DCAF6: variants seen among roughly 807,000 people sequenced by gnomAD.
The protein encoded by DCAF6 is DDB1- and CUL4-associated factor 6.
Under a neutral mutation model 125.1 loss-of-function variants are expected in DCAF6, and 54 were observed. The observed-to-expected ratio is 0.43, with a 90% confidence interval of 0.35 to 0.54. The LOEUF (loss-of-function observed/expected upper bound fraction) is 0.54. DCAF6 is among the 20% of genes least tolerant of loss of function. The probability of loss-of-function intolerance (pLI) is 0.01; values close to 1 mark genes in which losing one functional copy is unlikely to be tolerated. For missense variants in DCAF6, 934 were observed against 1,161.7 expected, an observed-to-expected ratio of 0.80 and a Z score of 2.85; for synonymous variants, 371 against 390.4, an observed-to-expected ratio of 0.95 and a Z score of 0.58.
chr1:167,965,996 A>G (rs1018790034), intron 2 of DCAF6, among the ~76,000 whole-genome samples: 1 of 152,192 alleles, frequency 6.6e-6, no homozygotes, highest in African/African-American at 2.4e-5. Flanking sequence ...TTCATCAATT[A>G]TAGTTCAGGT....
chr1:167,878,385 C>T, the DCAF6 span: 1 of 1,562,342 alleles, frequency 6.4e-7, no homozygotes. Context: ...GACTGCTTTG[C>T]TATCATAATT....
At position 167,988,231 on chromosome 1, in the gene DCAF6, G is replaced by A. The variant is rs1321102514; in HGVS notation, c.552+623G>A. ...GCCGGAGTGCAGTGGTGCAATCCTAGCTCACTGCAGCCTCAATCTTCTGGG... is the reference window on the plus strand; with the variant it reads ...GCCGGAGTGCAGTGGTGCAATCCTAACTCACTGCAGCCTCAATCTTCTGGG... On this transcript the variant is annotated intron_variant, in intron 5 of 21. Coordinates refer to ENST00000367840, the MANE Select transcript of DCAF6 (RefSeq NM_001198956.2). Among the ~76,000 whole-genome samples, 4 of 152,070 alleles carry A rather than the reference G, an allele frequency of 2.6e-5. No homozygotes were observed. In the East Asian group the frequency reaches 7.7e-4, roughly 29 times the overall value.
chr1:167,982,065 TCTCA>T (rs962222180), intron 4 of DCAF6, among the ~76,000 whole-genome samples: 9 of 152,204 alleles, frequency 5.9e-5, no homozygotes, highest in Admixed American at 5.9e-4. Flanking sequence ...TAATAGCCAT[TCTCA>T]CTCATATGAG....
chr1:167,953,127 T>C (rs139102633), intron 2 of DCAF6, among the ~76,000 whole-genome samples: 73 of 152,346 alleles, frequency 4.8e-4, no homozygotes, highest in Middle Eastern at 3.4e-3. Flanking sequence ...ATTAATCTAA[T>C]ATATAGTCCA....
At chr1:167,897,350 A>T in the DCAF6 span, among the ~76,000 whole-genome samples, 1 of 148,522 alleles carries the variant, frequency 6.7e-6, no homozygotes, top group Admixed American at 6.7e-5. Context: ...AAAAAAAATT[A>T]GCCAGGTGTA....
rs1332260944 is a variant in DCAF6, at chr1:167,936,843, G to C, written c.-69G>C. 1.2e-5 allele frequency: 16 copies of C among 1,347,810 alleles called. No homozygotes were observed. In the South Asian group the frequency reaches 1.9e-4, roughly 16 times the overall value. The allele number at this position is 1,347,810 out of a possible 1,614,324, so 83.5% of individuals were successfully genotyped here. A position where few individuals can be genotyped will look rare whatever the true frequency, so the allele number is the denominator to read the frequency against. On this transcript the variant is annotated 5_prime_UTR_variant, in exon 1 of 22. Transcript: ENST00000367840. The stretch of plus-strand genomic sequence containing the variant: ...GCCGGTGCGGCTCGGGTGTTGAAAC[G>C]GGTGTCCCCTCCCCCTCCTCCCCTC...
chr1:167,923,083 GA>G, the DCAF6 span, among the ~76,000 whole-genome samples: 8 of 152,188 alleles, frequency 5.3e-5, no homozygotes, highest in Non-Finnish European at 8.8e-5. Context: ...AGGATGTGGA[GA>G]AATTAGAACA....
chr1:167,883,440 G>T, the DCAF6 span: 1 of 1,614,110 alleles, frequency 6.2e-7, no homozygotes, highest in Non-Finnish European at 8.5e-7. Flanking sequence ...CACTTACCTT[G>T]TCAAACATGA....
At position 168,004,436 on chromosome 1, in the gene DCAF6, G is replaced by T. The variant is rs1471128483; in HGVS notation, c.1118-97G>T. On this transcript the variant is annotated intron_variant, in intron 9 of 21. Transcript: ENST00000367840. ...TATCACTGAAATTATATATTTGTGTGTGTAAATATAAATGTGTTTTCTGAG... is the reference window on the plus strand; with the variant it reads ...TATCACTGAAATTATATATTTGTGTTTGTAAATATAAATGTGTTTTCTGAG... 3 of 1,252,032 alleles carry T rather than the reference G, an allele frequency of 2.4e-6. No homozygotes were observed. The African/African-American group carries it at 4.5e-5, about 19-fold the overall frequency. 77.6% of individuals were successfully genotyped at this position (1,252,032 alleles called of 1,614,324 possible).
At chr1:167,864,509 T>C in the DCAF6 span, among the ~76,000 whole-genome samples, 1 of 151,938 alleles carries the variant, frequency 6.6e-6, no homozygotes, top group Admixed American at 6.6e-5. Context: ...TTACAGCTGG[T>C]TTTAGACCCC....
intron 2 of DCAF6, among the ~76,000 whole-genome samples, chr1:167,965,611 G>A (rs1308972022): frequency 2.0e-5 from 3 of 151,988 alleles, no homozygotes; most frequent in Non-Finnish European, 4.4e-5. Flanking sequence ...TACCCCCACC[G>A]CATGACTGGG....
chr1:167,913,581 T>C, the DCAF6 span, among the ~76,000 whole-genome samples: 22 of 152,330 alleles, frequency 1.4e-4, no homozygotes, highest in African/African-American at 5.3e-4. Context: ...CTATTTTGTC[T>C]TCATCTGAAT....
intron 2 of DCAF6, among the ~76,000 whole-genome samples, chr1:167,961,113 T>C (rs1304431514): frequency 6.6e-6 from 1 of 152,182 alleles, no homozygotes; most frequent in Non-Finnish European, 1.5e-5. Context: ...TGTAATGGTA[T>C]TGTGTTTTAA....
chr1:167,928,418 CT>C, the DCAF6 span, among the ~76,000 whole-genome samples: 6 of 151,522 alleles, frequency 4.0e-5, no homozygotes, highest in Middle Eastern at 3.5e-3. Context: ...CATTTCTTAG[CT>C]TTTTTTTCCT....
At chr1:168,068,328 C>A (rs1692605555) in intron 20 of DCAF6, 30 bp from the exon 21 acceptor site, 2 of 1,502,294 alleles carry the variant, frequency 1.3e-6, no homozygotes, top group Non-Finnish European at 1.8e-6. Flanking sequence ...ACTTTATGAT[C>A]TTTGATACGA....
the DCAF6 span, among the ~76,000 whole-genome samples, chr1:167,875,363 A>G: frequency 6.6e-6 from 1 of 152,242 alleles, no homozygotes; most frequent in Non-Finnish European, 1.5e-5. Flanking sequence ...CTGACTTGGT[A>G]GTGGAGAATC....
intron 4 of DCAF6, among the ~76,000 whole-genome samples, chr1:167,979,062 A>G (rs1678681551): frequency 6.6e-6 from 1 of 152,160 alleles, no homozygotes; most frequent in Non-Finnish European, 1.5e-5. Flanking sequence ...TTATGAAGAT[A>G]TTCTTCTACT....
chr1:167,899,364 G>T, the DCAF6 span: 2 of 1,544,008 alleles, frequency 1.3e-6, no homozygotes, highest in Admixed American at 3.3e-5. Flanking sequence ...GACTCTTCTG[G>T]CAGGGGGCCT....
In DCAF6 at chr1:168,044,587, G is replaced by C; in HGVS notation, c.1846G>C (p.Ala616Pro). 6.2e-7 allele frequency: 1 copy of C among 1,610,650 alleles called. No individual in the cohort carries two copies. Among genetic ancestry groups the C allele is most frequent in the Non-Finnish European group, 8.5e-7 (1 of 1,177,174 alleles). Residue 616 changes from alanine (A) to proline (P), a missense_variant and splice_region_variant, in exon 15 of 22, where the codon GCT (alanine) becomes CCT (proline). Transcript: ENST00000367840. ...ACTGTAATTTGGTTTACTTACAGAA[G>C]CTCCTGAAGAATCATCAGAGGATGT... Reference protein sequence around the residue: ...QPPEGDSETKAPEESSEDVTK... With the variant: ...QPPEGDSETKPPEESSEDVTK...
Sources: gnomAD v4.1 joint callset for allele counts (sites outside exome capture counted in the v4.1 genomes callset) on GRCh38, gnomAD v4.1.1 for gene constraint, MANE v1.5 for transcripts, NCBI Gene and HGNC (gene_info 2026-07-23, HGNC 2026-07-21) for gene names.